Variants in NUDC observed in about 807,000 individuals in gnomAD.
NUDC encodes the protein nuclear distribution C, dynein complex regulator, also known as nuclear migration protein nudC.
In NUDC, 14 loss-of-function variants were observed where a neutral mutation model predicts 45.0. The ratio of observed to expected loss-of-function variants is 0.31; its 90% CI spans 0.21 to 0.49. NUDC has a LOEUF of 0.49. Among genes scored for constraint, NUDC ranks in the 20% least tolerant of loss-of-function variants. The pLI, the probability that NUDC is intolerant of heterozygous loss-of-function variation, is 0.99. For synonymous variants in NUDC, 153 were observed against 156.7 expected (o/e 0.98, Z 0.17); for missense variants, 323 against 426.2 (o/e 0.76, Z 2.13).
Position 26,946,649 on chromosome 1 carries a change from T to C in NUDC, c.*468T>C. On this transcript the variant is annotated 3_prime_UTR_variant, in exon 9 of 9. Transcript: ENST00000321265. ...AGCAGATCACCTGATGTCAGGAGTTTGAGACCAGCTTGGCCAACATGGAGA... is the reference window on the plus strand; with the variant it reads ...AGCAGATCACCTGATGTCAGGAGTTCGAGACCAGCTTGGCCAACATGGAGA... 1 of 212,544 alleles carries C rather than the reference T, an allele frequency of 4.7e-6. No individual in the cohort carries two copies. The highest frequency in any genetic ancestry group is 9.6e-6 in the Non-Finnish European group (1 of 104,086). 13.2% of individuals were successfully genotyped at this position (212,544 alleles called of 1,614,324 possible).
At chr1:26,925,709 T>G (rs992414724) in intron 2 of NUDC, among the ~76,000 whole-genome samples, 2 of 151,202 alleles carry the variant, frequency 1.3e-5, no homozygotes, top group African/African-American at 4.9e-5. Context: ...AATTGTTATA[T>G]CATGAGGAAT....
At chr1:26,911,828 G>T in intron 3 of NUDC, 2 of 1,614,084 alleles carry the variant, frequency 1.2e-6, no homozygotes, top group Non-Finnish European at 1.7e-6. Context: ...CCTGATCTCT[G>T]CCTGGGCTGG....
intron 2 of NUDC, among the ~76,000 whole-genome samples, chr1:26,903,406 C>T (rs1260940122): frequency 6.6e-6 from 1 of 152,032 alleles, no homozygotes; most frequent in African/African-American, 2.4e-5. Context: ...ACCTATGAAA[C>T]AATAGAGTTC....
At chr1:26,900,314 G>A (rs766927811) in exon 1 of NUDC, 1 of 1,613,938 alleles carries the variant, frequency 6.2e-7, no homozygotes, top group African/African-American at 1.3e-5. Context: ...AACAGAGGAA[G>A]CCACCGCCGC....
intron 2 of NUDC, among the ~76,000 whole-genome samples, chr1:26,904,871 A>G (rs2081995943): frequency 6.7e-6 from 1 of 149,138 alleles, no homozygotes; most frequent in Admixed American, 6.7e-5. Context: ...TTTTTTTCTG[A>G]GACAGAGTCT....
rs1373182658 is a variant in NUDC, at chr1:26,942,714, A to T, written c.484A>T (p.Asn162Tyr). The T allele has an allele frequency of 6.8e-6, 11 of 1,614,130 alleles. No homozygotes were observed. Among genetic ancestry groups the T allele is most frequent in the Non-Finnish European group, 9.3e-6 (11 of 1,180,056 alleles). The stretch of plus-strand genomic sequence containing the variant: ...GAAGGACAAAGGAAAACTGAAGCCC[A>T]ACCTAGGCAACGGGGCAGACCTGCC... Reference protein sequence around the residue: ...DEKDKGKLKPNLGNGADLPNY... With the variant: ...DEKDKGKLKPYLGNGADLPNY... Residue 162 changes from asparagine (N) to tyrosine (Y), a missense_variant, in exon 5 of 9, where the codon AAC (asparagine) becomes TAC (tyrosine). By Grantham distance (143) the Asn-to-Tyr change is moderately radical. This residue lies in a region of NUDC where 245 missense variants were observed against 278.8 expected (regional missense o/e 0.88). Transcript: ENST00000321265.
intron 2 of NUDC, among the ~76,000 whole-genome samples, chr1:26,904,630 G>C (rs114183732): frequency 1.1e-3 from 167 of 152,130 alleles, no homozygotes; most frequent in Middle Eastern, 3.4e-3. Context: ...GTGTTTAAGA[G>C]CATGGGCCCT....
In NUDC at chr1:26,946,527, C is replaced by T. The variant is rs1424517343; in HGVS notation, c.*346C>T. The T allele has an allele frequency of 5.4e-6, 2 of 368,304 alleles. No individual in the cohort carries two copies. The highest frequency in any genetic ancestry group is 1.0e-5 in the Non-Finnish European group (2 of 192,922). 22.8% of individuals were successfully genotyped at this position (368,304 alleles called of 1,614,324 possible). A position where few individuals can be genotyped will look rare whatever the true frequency, so the allele number is the denominator to read the frequency against. Reference sequence around the variant, plus strand: ...ACCTAGGGCACATCCTTGCCCCTCTCTGGGCCTCAGTTTCTCATTACTTAA... The same window carrying T: ...ACCTAGGGCACATCCTTGCCCCTCTTTGGGCCTCAGTTTCTCATTACTTAA... On this transcript the variant is annotated 3_prime_UTR_variant, in exon 9 of 9. Transcript: ENST00000321265.
At chr1:26,937,223 C>T (rs1023282870) in intron 2 of NUDC, among the ~76,000 whole-genome samples, 1 of 152,194 alleles carries the variant, frequency 6.6e-6, no homozygotes, top group African/African-American at 2.4e-5. Context: ...CTCCCGACAC[C>T]TTGATGTGTT....
At chr1:26,918,922 C>T (rs34244161), upstream of NUDC, among the ~76,000 whole-genome samples, 10,223 of 152,020 alleles carry the variant, frequency 0.067, 383 homozygotes, top group Non-Finnish European at 0.078. Context: ...GGATTACAGG[C>T]GCACACCACC....
intron 2 of NUDC, among the ~76,000 whole-genome samples, chr1:26,933,539 G>A (rs1291475881): frequency 6.6e-6 from 1 of 151,792 alleles, no homozygotes; most frequent in African/African-American, 2.4e-5. Flanking sequence ...TCAGCTTCCT[G>A]AGTAGCTGGG....
chr1:26,941,025 G>A (rs893497699), intron 2 of NUDC, among the ~76,000 whole-genome samples: 4 of 148,340 alleles, frequency 2.7e-5, no homozygotes, highest in Non-Finnish European at 3.0e-5. Context: ...AGGTTCAAGC[G>A]ATTCTCCCAC....
chr1:26,929,041 C>T (rs1204984559), intron 2 of NUDC, among the ~76,000 whole-genome samples: 1 of 152,120 alleles, frequency 6.6e-6, no homozygotes, highest in African/African-American at 2.4e-5. Context: ...AATGGATAAA[C>T]AATGTGGTAT....
At chr1:26,911,273 C>T (rs779886673) in intron 3 of NUDC, 18 of 425,146 alleles carry the variant, frequency 4.2e-5, no homozygotes, top group South Asian at 1.3e-4. Flanking sequence ...GCCAGGGGAG[C>T]GGTTAGTGAA....
At chr1:26,945,910 G>A (rs747743092) in intron 8 of NUDC, among the ~76,000 whole-genome samples, 8 of 152,140 alleles carry the variant, frequency 5.3e-5, no homozygotes, top group Non-Finnish European at 8.8e-5. Context: ...GGGGTAACAG[G>A]CGGTCATTGC....
chr1:26,917,886 CAAA>C (rs1391928118), upstream of NUDC, among the ~76,000 whole-genome samples: 1 of 107,130 alleles, frequency 9.3e-6, no homozygotes. Context: ...GACTGCGTCT[CAAA>C]AAAAAAAAAA....
chr1:26,916,083 C>T (rs1374664787), intron 3 of NUDC, among the ~76,000 whole-genome samples: 1 of 151,926 alleles, frequency 6.6e-6, no homozygotes, highest in African/African-American at 2.4e-5. Context: ...TTTGGAGGAC[C>T]CTCTTTAAGA....
intron 2 of NUDC, among the ~76,000 whole-genome samples, chr1:26,927,187 C>CGTGTGTGTGTGTGTGT (rs71010306): frequency 7.9e-6 from 1 of 126,742 alleles, no homozygotes; most frequent in African/African-American, 3.3e-5. Flanking sequence ...AGAGATGAAC[C>CGTGTGTGTGTGTGTGT]GTGTGTGTGT....
intron 2 of NUDC, among the ~76,000 whole-genome samples, chr1:26,935,349 T>C (rs1367301814): frequency 6.6e-6 from 1 of 152,118 alleles, no homozygotes; most frequent in Non-Finnish European, 1.5e-5. Flanking sequence ...GAGAACAGAC[T>C]AATACAGAAC....
Sources: gnomAD v4.1 joint callset for allele counts (sites outside exome capture counted in the v4.1 genomes callset) on GRCh38, gnomAD v4.1.1 for gene constraint, gnomAD v4.1.1 regional missense constraint, MANE v1.5 for transcripts, NCBI Gene and HGNC (gene_info 2026-07-23, HGNC 2026-07-21) for gene names.